KIF5C: variants seen among roughly 807,000 people sequenced by gnomAD.
KIF5C encodes the protein kinesin heavy chain isoform 5C.
A neutral mutation model predicts 125.2 loss-of-function variants in KIF5C; 18 were observed. The observed-to-expected ratio is 0.14, with a 90% CI of 0.10 to 0.21. The LOEUF (loss-of-function observed/expected upper bound fraction) is 0.21, where lower values mean the gene tolerates loss of function less well. Ranked by LOEUF, KIF5C falls within the 10% of genes least tolerant of loss-of-function variation. The pLI is 1.00. For missense variants in KIF5C, 780 were observed against 1,183.8 expected, an observed-to-expected ratio of 0.66 and a Z score of 5.01; for synonymous variants, 405 against 434.0, an observed-to-expected ratio of 0.93 and a Z score of 0.83.
chr2:148,931,279 G>A (rs2105093218), intron 3 of KIF5C, among the ~76,000 whole-genome samples: 1 of 152,284 alleles, frequency 6.6e-6, no homozygotes, highest in Middle Eastern at 3.4e-3. Flanking sequence ...CTTGCTAAAT[G>A]CCAGAAATTT....
Position 148,905,642 on chromosome 2 carries a change from C to T in KIF5C, c.127-16495C>T, listed in dbSNP as rs146362287. ...GCAGGTTTTTTGCTTTTAAGGATAGCACACATGTAGTCATGCTTTTAGCTA... is the reference window on the plus strand; with the variant it reads ...GCAGGTTTTTTGCTTTTAAGGATAGTACACATGTAGTCATGCTTTTAGCTA... On this transcript the variant is annotated intron_variant, in intron 1 of 25. Transcript: ENST00000435030. 1.5e-3 allele frequency among the ~76,000 whole-genome samples: 222 copies of T among 152,226 alleles called. 1 individual carries two copies. The highest frequency in any genetic ancestry group is 2.5e-3 in the Non-Finnish European group (170 of 68,022).
In KIF5C at chr2:148,988,104, G is replaced by A. The variant is rs149362967; in HGVS notation, c.1717-2906G>A. On this transcript the variant is annotated intron_variant, in intron 15 of 25. Coordinates refer to ENST00000435030, the MANE Select transcript of KIF5C (RefSeq NM_004522.3). Reference sequence around the variant, plus strand: ...CATGGTCTAGTATGTACTACTGGGGGCATTATCAGACTCTGGGACAGTTAT... The same window carrying A: ...CATGGTCTAGTATGTACTACTGGGGACATTATCAGACTCTGGGACAGTTAT... Among the ~76,000 whole-genome samples the A allele has an allele frequency of 2.5e-3, 380 of 152,108 alleles. 3 individuals are homozygous for A. The highest frequency in any genetic ancestry group is 6.6e-3 in the African/African-American group (274 of 41,456).
intron 1 of KIF5C, among the ~76,000 whole-genome samples, chr2:148,909,234 C>T (rs1681239096): frequency 6.6e-6 from 1 of 152,196 alleles, no homozygotes; most frequent in Non-Finnish European, 1.5e-5. Flanking sequence ...GCCCACTTTC[C>T]AGCAGACCAC....
intron 10 of KIF5C, among the ~76,000 whole-genome samples, chr2:148,952,886 G>A (rs1682700449): frequency 6.6e-6 from 1 of 152,144 alleles, no homozygotes; most frequent in Admixed American, 6.5e-5. Flanking sequence ...CAGTATTGCG[G>A]CTTGAAAAGG....
chr2:148,977,220 C>A (rs1045424961), intron 12 of KIF5C, among the ~76,000 whole-genome samples: 1 of 152,196 alleles, frequency 6.6e-6, no homozygotes, highest in Non-Finnish European at 1.5e-5. Flanking sequence ...GGGCCAGGGG[C>A]CCTTGGTTTT....
At position 148,983,765 on chromosome 2, in the gene KIF5C, C is replaced by A; in HGVS notation, c.1715C>A (p.Thr572Asn). 2 of 1,599,488 alleles carry A rather than the reference C, an allele frequency of 1.3e-6. No individual in the cohort carries two copies. Among genetic ancestry groups the A allele is most frequent in the Non-Finnish European group, 1.7e-6 (2 of 1,171,692 alleles). ...GGIIGTNDVK[T>N]LADVNGVIEE... ...ATTATTGGCACCAATGATGTGAAAA[C>A]TGTAAGCCAGCCCTTCTTTTATCCT... Residue 572 changes from threonine (T) to asparagine (N), a missense_variant and splice_region_variant, in exon 15 of 26, where the codon ACT becomes AAT. Transcript: ENST00000435030.
chr2:149,006,671 A>G (rs1255485157), intron 22 of KIF5C, among the ~76,000 whole-genome samples: 1 of 152,220 alleles, frequency 6.6e-6, no homozygotes, highest in Non-Finnish European at 1.5e-5. Flanking sequence ...AAATGAAAAT[A>G]AAGAAGGCAG....
At chr2:148,959,652 T>C (rs953948268) in intron 10 of KIF5C, among the ~76,000 whole-genome samples, 2 of 152,210 alleles carry the variant, frequency 1.3e-5, no homozygotes, top group Non-Finnish European at 2.9e-5. Context: ...TGCGCATCTT[T>C]AGCTACTCCT....
chr2:148,961,833 G>A, intron 10 of KIF5C, 138 bp from the exon 11 acceptor site: 1 of 1,229,508 alleles, frequency 8.1e-7, no homozygotes, highest in Non-Finnish European at 1.1e-6. Flanking sequence ...CAATTAGGAG[G>A]ATGGTTGGTG....
chr2:148,910,416 A>G (rs1286041023), intron 1 of KIF5C, among the ~76,000 whole-genome samples: 1 of 152,244 alleles, frequency 6.6e-6, no homozygotes, highest in Non-Finnish European at 1.5e-5. Flanking sequence ...AATAGTTGTC[A>G]GCAATCTATG....
Position 149,025,236 on chromosome 2 carries a change from C to T in KIF5C, c.*2166C>T, listed in dbSNP as rs1682655015. On this transcript the variant is annotated 3_prime_UTR_variant, in exon 26 of 26. Transcript: ENST00000435030. ...TGACAACATTTGCTTTACTTTTATT[C>T]ACAGAGAAAGTTGGCTTTGATGTCT... 6.6e-6 allele frequency: 1 copy of T among 152,592 alleles called. No homozygotes were observed. The highest frequency in any genetic ancestry group is 2.1e-4 in the South Asian group (1 of 4,832). 9.5% of individuals were successfully genotyped at this position (152,592 alleles called of 1,614,324 possible). A position where few individuals can be genotyped will look rare whatever the true frequency, so the allele number is the denominator to read the frequency against.
chr2:149,009,049 G>T (rs1236490109), intron 23 of KIF5C, among the ~76,000 whole-genome samples: 2 of 148,906 alleles, frequency 1.3e-5, no homozygotes, highest in African/African-American at 5.0e-5. Flanking sequence ...GAGTGCAGTG[G>T]TGCGATCTCT....
chr2:148,955,306 G>A (rs1292711192), intron 10 of KIF5C, among the ~76,000 whole-genome samples: 1 of 152,202 alleles, frequency 6.6e-6, no homozygotes, highest in African/African-American at 2.4e-5. Flanking sequence ...TCGAGGCGTT[G>A]CTGTGAAGGT....
chr2:148,971,290 GTCTATCTA>G (rs753154563), intron 11 of KIF5C, among the ~76,000 whole-genome samples: 4,001 of 137,248 alleles, frequency 0.029, 120 homozygotes, highest in African/African-American at 0.08. Flanking sequence ...CTGTCTGTCT[GTCTATCTA>G]TCTATCTATC....
Position 148,875,575 on chromosome 2 carries a change from G to GCCCCCCCCCCCCCCCCCTCCCCC in KIF5C, c.-37_-36insCCCCCCCCCCCTCCCCCCCCCCC. 4 of 699,606 alleles carry GCCCCCCCCCCCCCCCCCTCCCCC rather than the reference G, an allele frequency of 5.7e-6. No individual in the cohort carries two copies. The highest frequency in any genetic ancestry group is 3.1e-5 in the South Asian group (2 of 64,500). 43.3% of individuals were successfully genotyped at this position (699,606 alleles called of 1,614,324 possible). The stretch of plus-strand genomic sequence containing the variant: ...TCCTCCCTCGTCGTTCCCGGCCCCG[G>GCCCCCCCCCCCCCCCCCTCCCCC]CCCCCCACCCATCCCCGTGCCCCCT... On this transcript the variant is annotated 5_prime_UTR_variant, in exon 1 of 26. Coordinates refer to ENST00000435030, the MANE Select transcript of KIF5C (RefSeq NM_004522.3).
intron 1 of KIF5C, among the ~76,000 whole-genome samples, chr2:148,915,582 C>A (rs1360540370): frequency 6.6e-6 from 1 of 152,174 alleles, no homozygotes; most frequent in African/African-American, 2.4e-5. Context: ...GAGCACCAAC[C>A]AAATGTGATG....
intron 15 of KIF5C, among the ~76,000 whole-genome samples, chr2:148,985,677 G>C (rs1681361998): frequency 6.6e-6 from 1 of 152,132 alleles, no homozygotes; most frequent in Non-Finnish European, 1.5e-5. Context: ...TCTTTAAAAG[G>C]CTGAATTCTA....
intron 1 of KIF5C, among the ~76,000 whole-genome samples, chr2:148,889,251 T>C (rs1681640034): frequency 6.6e-6 from 1 of 152,238 alleles, no homozygotes; most frequent in South Asian, 2.1e-4. Flanking sequence ...CTTGAAAATA[T>C]TTGGAGAGCA....
chr2:148,980,193 T>G (rs191585345), intron 13 of KIF5C, among the ~76,000 whole-genome samples: 2 of 152,272 alleles, frequency 1.3e-5, no homozygotes, highest in South Asian at 2.1e-4. Flanking sequence ...AGGGAGATAA[T>G]CTACACTTTT....
Sources: allele counts gnomAD v4.1 joint callset (sites outside exome capture counted in the v4.1 genomes callset), GRCh38; gene constraint gnomAD v4.1.1; transcripts MANE v1.5; gene names NCBI Gene and HGNC (gene_info 2026-07-23, HGNC 2026-07-21).